The following SEMA5A variants were observed in gnomAD, a reference collection of about 807,000 sequenced individuals.
The protein encoded by SEMA5A is semaphorin-5A.
Under a neutral mutation model 135.5 loss-of-function variants are expected in SEMA5A, and 55 were observed. That is an observed-to-expected ratio of 0.41 (90% CI 0.33 to 0.51). The LOEUF (loss-of-function observed/expected upper bound fraction) is 0.51, where lower values mean the gene tolerates loss of function less well. SEMA5A is among the 20% of genes least tolerant of loss of function. The probability of loss-of-function intolerance (pLI) is 0.37; values close to 1 mark genes in which losing one functional copy is unlikely to be tolerated. For missense variants in SEMA5A, 1,290 were observed against 1,419.9 expected (o/e 0.91, Z 1.47); for synonymous variants, 580 against 546.5 (o/e 1.06, Z -0.85).
rs535805665 is a variant in SEMA5A, at chr5:9,524,578, A to T, written c.-175+21006T>A. Among the ~76,000 whole-genome samples the T allele has an allele frequency of 3.3e-5, 5 of 152,256 alleles. No homozygotes were observed. In the South Asian group the frequency reaches 1.0e-3, roughly 32 times the overall value. On this transcript the variant is annotated intron_variant, in intron 1 of 22. Transcript: ENST00000382496. ...CAATCTGCTAACAACTTGATTTCAGACTTCTGGCCTCCAGAACTTCAAGAG... is the reference window on the plus strand; with the variant it reads ...CAATCTGCTAACAACTTGATTTCAGTCTTCTGGCCTCCAGAACTTCAAGAG...
At position 9,447,246 on chromosome 5, in the gene SEMA5A, C is replaced by A. The variant is rs78305243; in HGVS notation, c.-174-9394G>T. ...AAGCCAATCCAATGTGCATATTGGG[C>A]TCTCTGTGACTTCACTTATTTTAGA... On this transcript the variant is annotated intron_variant, in intron 1 of 22. Transcript: ENST00000382496. Among the ~76,000 whole-genome samples the A allele has an allele frequency of 5.1e-3, 770 of 152,302 alleles. 9 individuals are homozygous for A. Among genetic ancestry groups the A allele is most frequent in the African/African-American group, 0.017 (695 of 41,562 alleles).
chr5:9,358,129 C>T (rs1023112062), intron 3 of SEMA5A, among the ~76,000 whole-genome samples: 2 of 152,226 alleles, frequency 1.3e-5, no homozygotes, highest in East Asian at 1.9e-4. Flanking sequence ...TTTGTTTGGA[C>T]CCTCCATACC....
intron 1 of SEMA5A, among the ~76,000 whole-genome samples, chr5:9,458,859 A>C (rs1758948283): frequency 6.6e-6 from 1 of 152,204 alleles, no homozygotes; most frequent in Admixed American, 6.5e-5. Flanking sequence ...CGATGTGCAC[A>C]TTTTACAATC....
At chr5:9,058,891 G>T (rs142756848) in intron 18 of SEMA5A, among the ~76,000 whole-genome samples, 81 of 152,204 alleles carry the variant, frequency 5.3e-4, no homozygotes, top group African/African-American at 1.8e-3. Flanking sequence ...TACACCAACT[G>T]CCCCCTGCCT....
intron 8 of SEMA5A, among the ~76,000 whole-genome samples, chr5:9,203,623 A>T (rs1343146610): frequency 1.7e-4 from 26 of 152,226 alleles, no homozygotes; most frequent in Admixed American, 1.7e-3. Flanking sequence ...TTTTCACAAA[A>T]TGTTTTAATT....
intron 4 of SEMA5A, among the ~76,000 whole-genome samples, chr5:9,335,038 C>T (rs990858204): frequency 1.5e-4 from 23 of 151,998 alleles, no homozygotes; most frequent in Non-Finnish European, 3.1e-4. Context: ...ATTCCAGGGG[C>T]CCTGGGATGG....
At chr5:9,129,111 G>A (rs527441802) in intron 13 of SEMA5A, among the ~76,000 whole-genome samples, 61 of 152,248 alleles carry the variant, frequency 4.0e-4, no homozygotes, top group African/African-American at 1.4e-3. Flanking sequence ...TATATGAATC[G>A]GCAAAAGAGG....
intron 1 of SEMA5A, among the ~76,000 whole-genome samples, chr5:9,475,993 C>A (rs1351673878): frequency 6.6e-6 from 1 of 152,126 alleles, no homozygotes; most frequent in Non-Finnish European, 1.5e-5. Flanking sequence ...CATTAATGAT[C>A]AAAAATACCT....
chr5:9,151,557 G>C (rs948168592), intron 12 of SEMA5A, among the ~76,000 whole-genome samples: 5 of 152,012 alleles, frequency 3.3e-5, no homozygotes, highest in African/African-American at 1.2e-4. Flanking sequence ...TGTTTGTGCA[G>C]TTATTTTTTT....
At chr5:9,540,773 A>G (rs1466495072) in intron 1 of SEMA5A, among the ~76,000 whole-genome samples, 1 of 152,144 alleles carries the variant, frequency 6.6e-6, no homozygotes, top group East Asian at 1.9e-4. Context: ...GTTTGGGGGC[A>G]CTGGCAGGAG....
intron 5 of SEMA5A, among the ~76,000 whole-genome samples, chr5:9,298,632 G>T (rs1751456375): frequency 6.6e-6 from 1 of 152,154 alleles, no homozygotes; most frequent in Admixed American, 6.5e-5. Context: ...AGTTTCTAGT[G>T]CTGTACTGAT....
intron 3 of SEMA5A, among the ~76,000 whole-genome samples, chr5:9,356,092 C>T (rs978788937): frequency 6.6e-6 from 1 of 152,164 alleles, no homozygotes; most frequent in African/African-American, 2.4e-5. Flanking sequence ...CTGCTCCTTC[C>T]CTTCAATTCT....
intron 5 of SEMA5A, among the ~76,000 whole-genome samples, chr5:9,241,188 G>A (rs1292199323): frequency 6.6e-6 from 1 of 152,104 alleles, no homozygotes; most frequent in Non-Finnish European, 1.5e-5. Context: ...CCTGTTTGCA[G>A]TAAGTTTTTT....
intron 1 of SEMA5A, among the ~76,000 whole-genome samples, chr5:9,513,068 A>ATATATATATATATATATATATATAT (rs1554044104): frequency 1.4e-5 from 2 of 143,722 alleles, no homozygotes; most frequent in African/African-American, 5.1e-5. Context: ...ATATATATAT[A>ATATATATATATATATATATATATAT]ATATATATAT....
chr5:9,149,982 C>G (rs1055640193), intron 12 of SEMA5A, among the ~76,000 whole-genome samples: 1 of 152,152 alleles, frequency 6.6e-6, no homozygotes, highest in African/African-American at 2.4e-5. Context: ...TCCTGTGCCT[C>G]CTCATGGAGA....
At chr5:9,535,613 A>G (rs549256541) in intron 1 of SEMA5A, among the ~76,000 whole-genome samples, 14 of 152,172 alleles carry the variant, frequency 9.2e-5, no homozygotes, top group Non-Finnish European at 1.9e-4. Context: ...CAGAGTGGGA[A>G]TACTTTCAAC....
In SEMA5A at chr5:9,321,693, T is replaced by C. The variant is rs545485798; in HGVS notation, c.225-3276A>G. Among the ~76,000 whole-genome samples the C allele has an allele frequency of 3.3e-5, 5 of 152,350 alleles. No homozygotes were observed. The East Asian group carries it at 7.7e-4, about 23-fold the overall frequency. On this transcript the variant is annotated intron_variant, in intron 4 of 22. Transcript: ENST00000382496. ...TCTATGTTAATTTTGTCATTGGTCC[T>C]GGAATCCAGTCACCCTACTCCTTTT...
chr5:9,368,665 A>G (rs1007590092), intron 3 of SEMA5A, among the ~76,000 whole-genome samples: 3 of 152,188 alleles, frequency 2.0e-5, no homozygotes, highest in Non-Finnish European at 4.4e-5. Flanking sequence ...ATTCTTTTGT[A>G]TCTAGACTCT....
chr5:9,514,016 C>T (rs190041743), intron 1 of SEMA5A, among the ~76,000 whole-genome samples: 38 of 152,236 alleles, frequency 2.5e-4, no homozygotes, highest in Admixed American at 1.6e-3. Flanking sequence ...AAATCAAGAC[C>T]TCAGCGAGGC....
Sources: allele counts gnomAD v4.1 joint callset (sites outside exome capture counted in the v4.1 genomes callset), GRCh38; gene constraint gnomAD v4.1.1; transcripts MANE v1.5; gene names NCBI Gene and HGNC (gene_info 2026-07-23, HGNC 2026-07-21).